C1orf21: variants seen among roughly 807,000 people sequenced by gnomAD.
The protein encoded by C1orf21 is uncharacterized protein C1orf21.
Under a neutral mutation model 18.7 loss-of-function variants are expected in C1orf21, and 3 were observed. The ratio of observed to expected loss-of-function variants is 0.16; its 90% CI spans 0.07 to 0.42. The LOEUF is 0.42. Ranked by LOEUF, C1orf21 falls within the 10% of genes least tolerant of loss-of-function variation. The pLI is 0.99. For synonymous variants in C1orf21, 41 were observed against 46.4 expected (o/e 0.88, Z 0.47); for missense variants, 104 against 143.6 (o/e 0.72, Z 1.41).
chr1:184,613,812 A>G (rs1446385021), intron 5 of C1orf21, among the ~76,000 whole-genome samples: 3 of 152,076 alleles, frequency 2.0e-5, no homozygotes, highest in East Asian at 1.9e-4. Context: ...CTAAAATTCT[A>G]TACAACATGA....
chr1:184,524,678 T>G (rs1468363096), intron 3 of C1orf21, among the ~76,000 whole-genome samples: 1 of 152,094 alleles, frequency 6.6e-6, no homozygotes, highest in East Asian at 1.9e-4. Context: ...CCAACAGTAT[T>G]GAATTAGACA....
chr1:184,446,985 C>T (rs1165502645), intron 1 of C1orf21, among the ~76,000 whole-genome samples: 1 of 151,580 alleles, frequency 6.6e-6, no homozygotes, highest in African/African-American at 2.4e-5. Flanking sequence ...TGAAATTTTC[C>T]ATAAGAAAAT....
At chr1:184,432,883 C>T (rs1217037694) in intron 1 of C1orf21, among the ~76,000 whole-genome samples, 38 of 152,036 alleles carry the variant, frequency 2.5e-4, no homozygotes, top group Admixed American at 2.4e-3. Context: ...ATAATTTTGC[C>T]GTTTTCTTTA....
intron 3 of C1orf21, among the ~76,000 whole-genome samples, chr1:184,528,942 T>C (rs1253190938): frequency 2.0e-5 from 3 of 152,192 alleles, no homozygotes; most frequent in Non-Finnish European, 2.9e-5. Context: ...AATGGGATCA[T>C]TGGATTGATG....
chr1:184,544,991 C>A (rs990910838), intron 3 of C1orf21, among the ~76,000 whole-genome samples: 1 of 152,172 alleles, frequency 6.6e-6, no homozygotes, highest in Non-Finnish European at 1.5e-5. Context: ...TCAGAGAGCA[C>A]CCAAGGGGGA....
chr1:184,410,842 G>C (rs1429316733), intron 1 of C1orf21, among the ~76,000 whole-genome samples: 1 of 146,754 alleles, frequency 6.8e-6, no homozygotes, highest in Non-Finnish European at 1.5e-5. Context: ...AGTAGAGTCG[G>C]GGTTTTGCCA....
At chr1:184,507,719 G>T (rs1387589651) in intron 3 of C1orf21, 37 bp downstream of exon 3, 1 of 1,518,188 alleles carries the variant, frequency 6.6e-7, no homozygotes, top group African/African-American at 1.4e-5. Flanking sequence ...ATGAATTTTG[G>T]TGACACTATT....
At chr1:184,476,988 G>A (rs1244579267) in intron 1 of C1orf21, among the ~76,000 whole-genome samples, 1 of 152,160 alleles carries the variant, frequency 6.6e-6, no homozygotes, top group African/African-American at 2.4e-5. Context: ...CCAGCCTCCT[G>A]AACTAGGTGG....
intron 3 of C1orf21, among the ~76,000 whole-genome samples, chr1:184,588,518 C>T (rs1385312849): frequency 2.0e-5 from 3 of 152,112 alleles, no homozygotes; most frequent in Admixed American, 6.5e-5. Flanking sequence ...CAAATCCCTG[C>T]GCTACTGCTT....
In C1orf21 at chr1:184,532,323, A is replaced by G. The variant is rs181292341; in HGVS notation, c.189+24641A>G. Among the ~76,000 whole-genome samples, 697 of 152,366 alleles carry G rather than the reference A, an allele frequency of 4.6e-3. 3 individuals are homozygous for G. The highest frequency in any genetic ancestry group is 0.01 in the African/African-American group (419 of 41,588). ...ATTGTTGTAAAGATGAGATATGGAA[A>G]GCACCTAGCAAGTTTCCTGTCACTT... On this transcript the variant is annotated intron_variant, in intron 3 of 5. Coordinates refer to ENST00000235307, the MANE Select transcript of C1orf21 (RefSeq NM_030806.4).
chr1:184,613,956 G>C (rs1423217396), intron 5 of C1orf21, among the ~76,000 whole-genome samples: 1 of 152,078 alleles, frequency 6.6e-6, no homozygotes, highest in Non-Finnish European at 1.5e-5. Context: ...GCAGTGAGCT[G>C]AGATCATGCC....
intron 3 of C1orf21, among the ~76,000 whole-genome samples, chr1:184,548,822 G>A (rs1211418588): frequency 5.3e-5 from 8 of 152,124 alleles, no homozygotes; most frequent in Non-Finnish European, 1.2e-4. Flanking sequence ...CTTTTCAACA[G>A]TAAAAGTCAC....
At chr1:184,551,280 A>G (rs1658808950) in intron 3 of C1orf21, among the ~76,000 whole-genome samples, 1 of 152,226 alleles carries the variant, frequency 6.6e-6, no homozygotes, top group Non-Finnish European at 1.5e-5. Flanking sequence ...AAAAATGACT[A>G]CCTAACTAAT....
intron 5 of C1orf21, among the ~76,000 whole-genome samples, chr1:184,603,577 C>A (rs1309471533): frequency 6.6e-6 from 1 of 152,122 alleles, no homozygotes; most frequent in East Asian, 1.9e-4. Flanking sequence ...GGTGGATCAC[C>A]TGAGGTCAGG....
At chr1:184,614,411 A>G (rs16823341) in intron 5 of C1orf21, among the ~76,000 whole-genome samples, 41,563 of 151,964 alleles carry the variant, frequency 0.27, 5,994 homozygotes, top group East Asian at 0.4. Flanking sequence ...TGTCTGAGGG[A>G]TGTGTGTATT....
chr1:184,559,505 C>CCCTCCCTT (rs1658924873), intron 3 of C1orf21, among the ~76,000 whole-genome samples: 2 of 47,842 alleles, frequency 4.2e-5, no homozygotes, highest in Non-Finnish European at 7.6e-5. Flanking sequence ...CTTCCTTCCC[C>CCCTCCCTT]CCTTCCTTCC....
chr1:184,546,817 G>T lies in C1orf21; in HGVS notation c.189+39135G>T, dbSNP rs1051510183. 7.2e-5 allele frequency among the ~76,000 whole-genome samples: 11 copies of T among 152,280 alleles called. No individual in the cohort carries two copies. The South Asian group carries it at 2.1e-3, about 29-fold the overall frequency. ...GGAGTCTTTTCCAGTTCACATAAAG[G>T]ACTGGAAAAAGTGTCCAGCTGGACA... is the stretch of plus-strand genomic sequence containing the variant. On this transcript the variant is annotated intron_variant, in intron 3 of 5. Transcript: ENST00000235307.
At chr1:184,432,600 T>C (rs1328571834) in intron 1 of C1orf21, among the ~76,000 whole-genome samples, 1 of 151,942 alleles carries the variant, frequency 6.6e-6, no homozygotes, top group Non-Finnish European at 1.5e-5. Flanking sequence ...CAAACCACCG[T>C]GGCACATGTA....
At chr1:184,607,368 A>G (rs1659662126) in intron 5 of C1orf21, among the ~76,000 whole-genome samples, 1 of 152,150 alleles carries the variant, frequency 6.6e-6, no homozygotes, top group Non-Finnish European at 1.5e-5. Flanking sequence ...TATTTATAAC[A>G]CTTAAAACAT....
Sources: allele counts gnomAD v4.1 joint callset (sites outside exome capture counted in the v4.1 genomes callset), GRCh38; gene constraint gnomAD v4.1.1; transcripts MANE v1.5; gene names NCBI Gene and HGNC (gene_info 2026-07-23, HGNC 2026-07-21).